The following DLGAP1 variants were observed in gnomAD, a reference collection of about 807,000 sequenced individuals.
DLGAP1 encodes disks large-associated protein 1.
A neutral mutation model predicts 90.8 loss-of-function variants in DLGAP1; 11 were observed. That is an observed-to-expected ratio of 0.12 (90% confidence interval 0.08 to 0.20). DLGAP1 has a LOEUF of 0.20. Among genes scored for constraint, DLGAP1 ranks in the 10% least tolerant of loss-of-function variants. DLGAP1 has a pLI of 1.00. For missense variants in DLGAP1, 1,050 were observed against 1,333.8 expected, an observed-to-expected ratio of 0.79 and a Z score of 3.31; for synonymous variants, 558 against 540.7, an observed-to-expected ratio of 1.03 and a Z score of -0.44.
chr18:4,178,655 A>C (rs956820919), intron 1 of DLGAP1, among the ~76,000 whole-genome samples: 1 of 152,132 alleles, frequency 6.6e-6, no homozygotes, highest in African/African-American at 2.4e-5. Flanking sequence ...GAATGATATT[A>C]TTTTATACTG....
At chr18:4,049,993 G>C (rs1469865052) in intron 2 of DLGAP1, among the ~76,000 whole-genome samples, 1 of 151,608 alleles carries the variant, frequency 6.6e-6, no homozygotes, top group Non-Finnish European at 1.5e-5. Context: ...CATTTATTAG[G>C]AACTTACTCT....
At chr18:3,851,176 A>C (rs2069318232) in intron 4 of DLGAP1, among the ~76,000 whole-genome samples, 1 of 152,186 alleles carries the variant, frequency 6.6e-6, no homozygotes, top group South Asian at 2.1e-4. Flanking sequence ...TCTCTGTTGA[A>C]TATCCACTCC....
rs143436615 is a variant in DLGAP1, at chr18:3,969,954, A to G, written c.-73+35162T>C. ...CAGTCCTGTCTGTGTCTGTGTGTTA[A>G]GATGGAAAGCACACGAACAGAAGTC... On this transcript the variant is annotated intron_variant, in intron 3 of 12. Coordinates refer to ENST00000315677, the MANE Select transcript of DLGAP1 (RefSeq NM_004746.4). 7.2e-5 allele frequency among the ~76,000 whole-genome samples: 11 copies of G among 152,352 alleles called. No homozygotes were observed. In the East Asian group the frequency reaches 2.1e-3, roughly 29 times the overall value.
At position 3,782,832 on chromosome 18, in the gene DLGAP1, T is replaced by A. The variant is rs1329459192; in HGVS notation, c.1172+31227A>T. Among the ~76,000 whole-genome samples the A allele has an allele frequency of 2.0e-5, 3 of 152,340 alleles. No individual in the cohort carries two copies. The East Asian group carries it at 5.8e-4, about 29-fold the overall frequency. On this transcript the variant is annotated intron_variant, in intron 5 of 12. Coordinates refer to ENST00000315677, the MANE Select transcript of DLGAP1 (RefSeq NM_004746.4). The stretch of plus-strand genomic sequence containing the variant: ...ACTTCACCAAAATTAAAAATTTTTG[T>A]GAGTCAAAGGACACCTCAAGAAATT...
intron 2 of DLGAP1, among the ~76,000 whole-genome samples, chr18:4,049,921 T>C (rs1020627806): frequency 1.5e-5 from 2 of 129,340 alleles, no homozygotes; most frequent in African/African-American, 7.0e-5. Flanking sequence ...GGTCCATCCA[T>C]CCATCCATCC....
intron 2 of DLGAP1, among the ~76,000 whole-genome samples, chr18:4,076,108 A>C (rs2075519695): frequency 6.6e-6 from 1 of 152,218 alleles, no homozygotes; most frequent in Non-Finnish European, 1.5e-5. Flanking sequence ...GAAATGCAGA[A>C]GAGAGAGCTG....
intron 9 of DLGAP1, among the ~76,000 whole-genome samples, chr18:3,555,532 C>G (rs964998112): frequency 6.6e-6 from 1 of 152,004 alleles, no homozygotes; most frequent in Non-Finnish European, 1.5e-5. Flanking sequence ...AATTTGAGGC[C>G]GGGGGCAGTG....
At chr18:3,721,518 T>C (rs2061982731) in intron 7 of DLGAP1, 2 of 152,226 alleles carry the variant, frequency 1.3e-5, no homozygotes, top group South Asian at 4.1e-4. Flanking sequence ...CTAGTTTTTT[T>C]CATCTTTTTC....
At chr18:3,627,048 A>C (rs1435230351) in intron 7 of DLGAP1, among the ~76,000 whole-genome samples, 5 of 152,222 alleles carry the variant, frequency 3.3e-5, no homozygotes, top group African/African-American at 1.2e-4. Flanking sequence ...GTCATTAACA[A>C]TGTACCTGAA....
intron 7 of DLGAP1, among the ~76,000 whole-genome samples, chr18:3,600,885 GATATATAGATAT>G (rs2056935573): frequency 7.2e-5 from 1 of 13,884 alleles, no homozygotes; most frequent in East Asian, 1.3e-3. Context: ...TATATAGATA[GATATATAGATAT>G]ATATAGATAT....
chr18:3,868,573 T>C (rs1438050606), intron 4 of DLGAP1, among the ~76,000 whole-genome samples: 2 of 152,204 alleles, frequency 1.3e-5, no homozygotes, highest in Non-Finnish European at 2.9e-5. Context: ...CATCACTAAT[T>C]TCCACTTTTA....
chr18:3,906,366 A>AT (rs1330093561), intron 3 of DLGAP1, among the ~76,000 whole-genome samples: 4 of 151,958 alleles, frequency 2.6e-5, no homozygotes, highest in African/African-American at 4.8e-5. Context: ...TGAGTCTGTT[A>AT]TTTTTTTCTC....
intron 1 of DLGAP1, among the ~76,000 whole-genome samples, chr18:4,344,960 T>A (rs2081274804): frequency 6.6e-6 from 1 of 152,216 alleles, no homozygotes; most frequent in Non-Finnish European, 1.5e-5. Flanking sequence ...TAGTCCTCCA[T>A]GTTAATATTC....
intron 1 of DLGAP1, among the ~76,000 whole-genome samples, chr18:4,322,796 C>A (rs528456552): frequency 6.6e-6 from 1 of 151,886 alleles, no homozygotes; most frequent in Admixed American, 6.5e-5. Flanking sequence ...TCCGTCTCTA[C>A]GAAAAAATAC....
intron 7 of DLGAP1, among the ~76,000 whole-genome samples, chr18:3,651,221 T>TTACA (rs2059290436): frequency 6.6e-6 from 1 of 151,666 alleles, no homozygotes; most frequent in Non-Finnish European, 1.5e-5. Context: ...TAGCTGGGCA[T>TTACA]GGTGGCAGGC....
chr18:3,990,838 G>A (rs1396182341), intron 3 of DLGAP1, among the ~76,000 whole-genome samples: 1 of 151,748 alleles, frequency 6.6e-6, no homozygotes, highest in African/African-American at 2.4e-5. Context: ...GAATAAAGAG[G>A]CAGATATAGG....
intron 7 of DLGAP1, among the ~76,000 whole-genome samples, chr18:3,639,249 G>A (rs1198261714): frequency 6.6e-6 from 1 of 152,016 alleles, no homozygotes; most frequent in East Asian, 1.9e-4. Flanking sequence ...CCAGCTACTC[G>A]GGAGGCTGAG....
At chr18:4,445,182 A>C (rs1567929361) in intron 1 of DLGAP1, among the ~76,000 whole-genome samples, 2 of 152,200 alleles carry the variant, frequency 1.3e-5, no homozygotes, top group African/African-American at 4.8e-5. Flanking sequence ...AATTACTACA[A>C]ATCAGTTCCC....
At chr18:4,092,826 A>G (rs1400154940) in intron 2 of DLGAP1, among the ~76,000 whole-genome samples, 2 of 152,080 alleles carry the variant, frequency 1.3e-5, no homozygotes, top group Admixed American at 1.3e-4. Context: ...AGAGCCTGTG[A>G]CTGGGTAGGA....
Sources: allele counts gnomAD v4.1 joint callset (sites outside exome capture counted in the v4.1 genomes callset), GRCh38; gene constraint gnomAD v4.1.1; transcripts MANE v1.5; gene names NCBI Gene and HGNC (gene_info 2026-07-23, HGNC 2026-07-21).